TSHZ2: variants seen among roughly 807,000 people sequenced by gnomAD.
The protein encoded by TSHZ2 is teashirt homolog 2.
Under a neutral mutation model 74.4 loss-of-function variants are expected in TSHZ2, and 21 were observed. That is an observed-to-expected ratio of 0.28 (90% CI 0.20 to 0.41). The LOEUF (loss-of-function observed/expected upper bound fraction) is 0.41, where lower values mean the gene tolerates loss of function less well. Among genes scored for constraint, TSHZ2 ranks in the 10% least tolerant of loss-of-function variants. The pLI is 1.00. For synonymous variants in TSHZ2, 540 were observed against 515.3 expected, an observed-to-expected ratio of 1.05 and a Z score of -0.65; for missense variants, 1,244 against 1,293.5, an observed-to-expected ratio of 0.96 and a Z score of 0.59.
At chr20:53,160,150 G>C (rs913279312) in intron 1 of TSHZ2, among the ~76,000 whole-genome samples, 2 of 152,062 alleles carry the variant, frequency 1.3e-5, no homozygotes, top group Non-Finnish European at 1.5e-5. Flanking sequence ...ACAGAATGCA[G>C]GAGGGGCACA....
At chr20:53,022,458 T>G (rs1175771295) in intron 1 of TSHZ2, among the ~76,000 whole-genome samples, 1 of 152,198 alleles carries the variant, frequency 6.6e-6, no homozygotes, top group African/African-American at 2.4e-5. Context: ...TTGATCAAAT[T>G]GGGCCAAAGT....
intron 2 of TSHZ2, among the ~76,000 whole-genome samples, chr20:53,446,756 C>G (rs915305057): frequency 6.6e-6 from 1 of 152,156 alleles, no homozygotes; most frequent in Non-Finnish European, 1.5e-5. Context: ...CCAGTGGATG[C>G]CCCTGGTAAG....
chr20:53,394,922 C>T (rs1982394318), intron 2 of TSHZ2, among the ~76,000 whole-genome samples: 3 of 147,196 alleles, frequency 2.0e-5, no homozygotes, highest in African/African-American at 7.5e-5. Context: ...CCTCCACTGG[C>T]TCTGTTCCTC....
intron 2 of TSHZ2, among the ~76,000 whole-genome samples, chr20:53,431,123 T>C (rs1202462919): frequency 6.6e-6 from 1 of 152,064 alleles, no homozygotes; most frequent in Non-Finnish European, 1.5e-5. Flanking sequence ...TCCAAAATCA[T>C]GAAGCTGTCA....
intron 2 of TSHZ2, among the ~76,000 whole-genome samples, chr20:53,450,563 C>A (rs1426527239): frequency 1.3e-5 from 2 of 152,206 alleles, no homozygotes; most frequent in Non-Finnish European, 2.9e-5. Flanking sequence ...GTCACCCAAG[C>A]TCCAGGATGG....
Position 52,985,806 on chromosome 20 carries a change from A to C in TSHZ2, c.40+12473A>C, listed in dbSNP as rs558868492. 2.6e-5 allele frequency among the ~76,000 whole-genome samples: 4 copies of C among 152,318 alleles called. No individual in the cohort carries two copies. The South Asian group carries it at 8.3e-4, about 32-fold the overall frequency. On this transcript the variant is annotated intron_variant, in intron 1 of 2. Transcript: ENST00000371497. ...TACGGGGAAAGGTTAGAGAGCACTGACTCAAACCATCGTCTCCAATTATGC... is the reference window on the plus strand; with the variant it reads ...TACGGGGAAAGGTTAGAGAGCACTGCCTCAAACCATCGTCTCCAATTATGC...
At chr20:53,098,145 T>C (rs1986109981) in intron 1 of TSHZ2, among the ~76,000 whole-genome samples, 1 of 152,174 alleles carries the variant, frequency 6.6e-6, no homozygotes, top group Non-Finnish European at 1.5e-5. Flanking sequence ...GTTACGAGCA[T>C]AGCATTTGGA....
At chr20:53,121,650 GAC>G (rs1986813206) in intron 1 of TSHZ2, among the ~76,000 whole-genome samples, 1 of 152,204 alleles carries the variant, frequency 6.6e-6, no homozygotes, top group African/African-American at 2.4e-5. Flanking sequence ...TTCATTGAGA[GAC>G]AGTTATTTTC....
At chr20:53,309,431 G>A (rs1323693116) in intron 2 of TSHZ2, among the ~76,000 whole-genome samples, 3 of 152,076 alleles carry the variant, frequency 2.0e-5, no homozygotes, top group Non-Finnish European at 4.4e-5. Context: ...AAAGAGAAAG[G>A]AGAAAGAAAA....
In TSHZ2 at chr20:53,048,516, C is replaced by G. The variant is rs747417636; in HGVS notation, c.40+75183C>G. 1.5e-3 allele frequency among the ~76,000 whole-genome samples: 223 copies of G among 152,272 alleles called. 1 individual carries two copies. The highest frequency in any genetic ancestry group is 1.6e-3 in the Non-Finnish European group (106 of 68,014). ...TGCAATCCATCATCAGAGCCATTACCCTCCTCCTGATCAAGGGTGGAATGG... is the reference window on the plus strand; with the variant it reads ...TGCAATCCATCATCAGAGCCATTACGCTCCTCCTGATCAAGGGTGGAATGG... On this transcript the variant is annotated intron_variant, in intron 1 of 2. Transcript: ENST00000371497.
intron 1 of TSHZ2, among the ~76,000 whole-genome samples, chr20:53,140,079 G>C (rs1017414980): frequency 6.6e-6 from 1 of 152,090 alleles, no homozygotes. Context: ...TAGGCTCTCA[G>C]TGCACAGTGT....
chr20:53,436,853 CT>C (rs923183295), intron 2 of TSHZ2, among the ~76,000 whole-genome samples: 8 of 151,982 alleles, frequency 5.3e-5, no homozygotes, highest in African/African-American at 1.7e-4. Flanking sequence ...ACCCAGCCTC[CT>C]TTCCTCCTGT....
At chr20:53,236,970 A>G (rs6068488) in intron 1 of TSHZ2, among the ~76,000 whole-genome samples, 127,400 of 152,170 alleles carry the variant, frequency 0.84, 53,927 homozygotes, top group African/African-American at 0.95. Flanking sequence ...CTTACAATTC[A>G]AGATGAGGTT....
intron 1 of TSHZ2, among the ~76,000 whole-genome samples, chr20:53,242,036 G>T (rs1000319972): frequency 6.6e-6 from 1 of 152,094 alleles, no homozygotes; most frequent in Non-Finnish European, 1.5e-5. Context: ...TCTTCTCTGT[G>T]CAGACCCTTG....
At chr20:53,004,612 G>A (rs1982571772) in intron 1 of TSHZ2, among the ~76,000 whole-genome samples, 2 of 152,170 alleles carry the variant, frequency 1.3e-5, no homozygotes, top group African/African-American at 4.8e-5. Flanking sequence ...GGAAGAGGAA[G>A]CCACACCATC....
At chr20:53,379,028 GTTTATTTTTTAT>G (rs1421792762) in intron 2 of TSHZ2, among the ~76,000 whole-genome samples, 1 of 152,098 alleles carries the variant, frequency 6.6e-6, no homozygotes, top group Non-Finnish European at 1.5e-5. Flanking sequence ...GGATTTTTTT[GTTTATTTTTTAT>G]TTTATGTTCT....
intron 2 of TSHZ2, among the ~76,000 whole-genome samples, chr20:53,483,695 T>C (rs1235192421): frequency 6.6e-5 from 10 of 152,198 alleles, no homozygotes; most frequent in Non-Finnish European, 8.8e-5. Flanking sequence ...AGACACACTA[T>C]GTTTGGTTTG....
At chr20:53,033,625 C>T (rs1284956224) in intron 1 of TSHZ2, among the ~76,000 whole-genome samples, 1 of 145,336 alleles carries the variant, frequency 6.9e-6, no homozygotes, top group Non-Finnish European at 1.5e-5. Context: ...TTGTTTTAGT[C>T]GCCCTCTGCA....
At position 53,293,050 on chromosome 20, in the gene TSHZ2, T is replaced by C. The variant is rs188661906; in HGVS notation, c.*8+36479T>C. On this transcript the variant is annotated intron_variant, in intron 2 of 2. Transcript: ENST00000371497. ...GTTTTGATGATATAAGGGTCGCCAT[T>C]GAAAACAAGAGCAAGAATTTGAAAC... Among the ~76,000 whole-genome samples the C allele has an allele frequency of 9.2e-3, 1,405 of 152,310 alleles. 29 individuals carry two copies. The highest frequency in any genetic ancestry group is 0.032 in the African/African-American group (1,317 of 41,554).
Sources: allele counts gnomAD v4.1 joint callset (sites outside exome capture counted in the v4.1 genomes callset), GRCh38; gene constraint gnomAD v4.1.1; transcripts MANE v1.5; gene names NCBI Gene and HGNC (gene_info 2026-07-23, HGNC 2026-07-21).